Variants in TEX9 observed in about 807,000 individuals in gnomAD.
The protein encoded by TEX9 is testis expressed 9, also known as testis-expressed protein 9.
A neutral mutation model predicts 59.6 loss-of-function variants in TEX9; 74 were observed. The ratio of observed to expected loss-of-function variants is 1.24; its 90% CI spans 1.03 to 1.51. The LOEUF is 1.51. Ranked by LOEUF, TEX9 falls within the 40% of genes most tolerant of loss-of-function variation. TEX9 has a pLI of 0.00. For synonymous variants in TEX9, 186 were observed against 152.2 expected (o/e 1.22, Z -1.64); for missense variants, 522 against 447.8 (o/e 1.17, Z -1.49).
chr15:56,351,735 A>T (rs1204305550), intron 1 of TEX9, among the ~76,000 whole-genome samples: 2 of 152,252 alleles, frequency 1.3e-5, no homozygotes, highest in Non-Finnish European at 2.9e-5. Context: ...TAGTTTCAAA[A>T]AATCATTTTC....
chr15:56,261,923 A>C (rs2044278788), intron 1 of TEX9, among the ~76,000 whole-genome samples: 2 of 152,182 alleles, frequency 1.3e-5, no homozygotes, highest in African/African-American at 4.8e-5. Flanking sequence ...ACTGGATGCC[A>C]GAGAAGTTGC....
chr15:56,389,476 C>T lies in TEX9; in HGVS notation c.395+76C>T. The T allele has an allele frequency of 4.5e-6, 5 of 1,099,650 alleles. No homozygotes were observed. The South Asian group carries it at 7.2e-5, about 16-fold the overall frequency. The allele number at this position is 1,099,650 out of a possible 1,614,324, so 68.1% of individuals were successfully genotyped here. A position where few individuals can be genotyped will look rare whatever the true frequency, so the allele number is the denominator to read the frequency against. On this transcript the variant is annotated intron_variant, in intron 6 of 12. Transcript: ENST00000352903. ...AATACCATCATTCTTAATTATTAAG[C>T]TCTGTTTGTTTTTCCAGATCTTTTT...
downstream of TEX9, among the ~76,000 whole-genome samples, chr15:56,448,751 CTTTT>C (rs34366643): frequency 3.4e-5 from 4 of 117,658 alleles, no homozygotes; most frequent in Non-Finnish European, 3.6e-5. Context: ...TTTTTAGATT[CTTTT>C]TTTTTTTTTT....
chr15:56,262,721 A>C (rs1179591077), intron 1 of TEX9, among the ~76,000 whole-genome samples: 1 of 152,194 alleles, frequency 6.6e-6, no homozygotes, highest in Non-Finnish European at 1.5e-5. Context: ...AACACTGATT[A>C]AGATTTTGTC....
chr15:56,278,565 T>G (rs535365812), intron 1 of TEX9, among the ~76,000 whole-genome samples: 29 of 152,316 alleles, frequency 1.9e-4, no homozygotes, highest in African/African-American at 6.7e-4. Flanking sequence ...TAGCCTCTGC[T>G]TTCTAGAAAA....
chr15:56,378,936 C>A (rs923454110), intron 3 of TEX9, among the ~76,000 whole-genome samples: 1 of 151,614 alleles, frequency 6.6e-6, no homozygotes, highest in Non-Finnish European at 1.5e-5. Context: ...TGGTGGTGCA[C>A]GCCTGTAGTC....
intron 1 of TEX9, among the ~76,000 whole-genome samples, chr15:56,250,042 A>C (rs1383294954): frequency 1.3e-5 from 2 of 152,124 alleles, no homozygotes; most frequent in Non-Finnish European, 2.9e-5. Context: ...CAGTACTAGG[A>C]AGAGAGGAAA....
chr15:56,322,423 C>T (rs764938050), intron 1 of TEX9, among the ~76,000 whole-genome samples: 6 of 152,132 alleles, frequency 3.9e-5, no homozygotes, highest in Non-Finnish European at 5.9e-5. Context: ...CGTGGTCATG[C>T]AGAAATGGTC....
Position 56,283,049 on chromosome 15 carries a change from G to GTGT in TEX9, c.-107+38771_-107+38772insTGT, listed in dbSNP as rs3222054. Among the ~76,000 whole-genome samples the GTGT allele has an allele frequency of 4.7e-5, 7 of 148,552 alleles. No homozygotes were observed. The South Asian group carries it at 8.7e-4, about 18-fold the overall frequency. ...TTTATTTATAGTGTGTACATTGTGT[G>GTGT]GTGTGTGTGTGTGTGTGTGTGTGTG... is the stretch of plus-strand genomic sequence containing the variant. On this transcript the variant is annotated intron_variant, in intron 1 of 5. Coordinates refer to the TEX9 transcript ENST00000560827.
chr15:56,364,646 A>G (rs2046861852), upstream of TEX9, among the ~76,000 whole-genome samples: 1 of 152,094 alleles, frequency 6.6e-6, no homozygotes, highest in Non-Finnish European at 1.5e-5. Context: ...GTGTGAAGTT[A>G]AGGGTCTAAT....
chr15:56,287,882 C>T (rs1355236941), intron 1 of TEX9, among the ~76,000 whole-genome samples: 5 of 151,942 alleles, frequency 3.3e-5, no homozygotes, highest in South Asian at 2.1e-4. Flanking sequence ...AATAGTATTC[C>T]GTTGTGTATA....
chr15:56,277,613 G>T (rs2044704033), intron 1 of TEX9, among the ~76,000 whole-genome samples: 1 of 152,180 alleles, frequency 6.6e-6, no homozygotes, highest in Non-Finnish European at 1.5e-5. Flanking sequence ...GTTGCCTCCA[G>T]CTTTGTTCTT....
At chr15:56,448,734 A>G (rs959373023), downstream of TEX9, among the ~76,000 whole-genome samples, 2 of 148,336 alleles carry the variant, frequency 1.3e-5, no homozygotes, top group Admixed American at 6.7e-5. Flanking sequence ...TGATTTGCTA[A>G]TTCTTATTTT....
intron 10 of TEX9, among the ~76,000 whole-genome samples, chr15:56,418,275 T>C (rs1163869481): frequency 1.3e-5 from 2 of 151,858 alleles, no homozygotes; most frequent in African/African-American, 4.9e-5. Flanking sequence ...TACAGTGACA[T>C]TGATCTGTGT....
chr15:56,412,407 G>C (rs1373252046), exon 10 of TEX9: 1 of 1,611,628 alleles, frequency 6.2e-7, no homozygotes, highest in African/African-American at 1.3e-5. Flanking sequence ...GTATAAACTG[G>C]AGTTAAGTAA....
intron 1 of TEX9, among the ~76,000 whole-genome samples, chr15:56,338,959 G>A (rs1274468936): frequency 5.3e-5 from 8 of 152,022 alleles, no homozygotes; most frequent in Non-Finnish European, 8.8e-5. Context: ...ATCTTTATAG[G>A]GGTGTCCCCT....
intron 1 of TEX9, among the ~76,000 whole-genome samples, chr15:56,253,264 A>G (rs1019518548): frequency 2.0e-5 from 3 of 151,856 alleles, no homozygotes; most frequent in Admixed American, 6.6e-5. Context: ...GGATGGCAAG[A>G]AGAAAAAATT....
rs773676511 is a variant in TEX9, at chr15:56,365,570, C to G, written c.28-9C>G. ...ACTTCGGGTCTGAAAGTCTGTGGCT[C>G]TTTTACAGAGAAGCAGCGTTCCAGG... is the stretch of plus-strand genomic sequence containing the variant. On this transcript the variant is annotated splice_polypyrimidine_tract_variant and intron_variant, in intron 1 of 12. Transcript: ENST00000352903. The G allele has an allele frequency of 2.5e-6, 4 of 1,614,092 alleles. No homozygotes were observed. The highest frequency in any genetic ancestry group is 2.2e-5 in the South Asian group (2 of 91,088).
downstream of TEX9, among the ~76,000 whole-genome samples, chr15:56,448,294 A>G (rs1273826800): frequency 6.6e-6 from 1 of 152,246 alleles, no homozygotes; most frequent in East Asian, 1.9e-4. Context: ...CAGATTTGTT[A>G]CATGGGAATA....
Sources: allele counts gnomAD v4.1 joint callset (sites outside exome capture counted in the v4.1 genomes callset), GRCh38; gene constraint gnomAD v4.1.1; transcripts MANE v1.5; gene names NCBI Gene and HGNC (gene_info 2026-07-23, HGNC 2026-07-21).